Variants in DTNB observed in about 807,000 individuals in gnomAD.
DTNB encodes dystrobrevin beta.
A neutral mutation model predicts 90.7 loss-of-function variants in DTNB; 63 were observed. The ratio of observed to expected loss-of-function variants is 0.69; its 90% CI spans 0.57 to 0.86. DTNB has a LOEUF of 0.86. Ranked by LOEUF, DTNB falls within the 40% of genes least tolerant of loss-of-function variation. The pLI, the probability that DTNB is intolerant of heterozygous loss-of-function variation, is 0.00. For synonymous variants in DTNB, 277 were observed against 286.7 expected (o/e 0.97, Z 0.34); for missense variants, 744 against 807.1 (o/e 0.92, Z 0.95).
intron 9 of DTNB, among the ~76,000 whole-genome samples, chr2:25,491,374 C>T (rs1355870517): frequency 6.6e-6 from 1 of 152,170 alleles, no homozygotes; most frequent in East Asian, 1.9e-4. Context: ...ATGATCTCCT[C>T]TACTACACTG....
chr2:25,588,985 AC>A (rs2062982450), intron 6 of DTNB, among the ~76,000 whole-genome samples: 1 of 152,210 alleles, frequency 6.6e-6, no homozygotes, highest in South Asian at 2.1e-4. Flanking sequence ...ATATAGATAC[AC>A]CTGCCAGGCA....
chr2:25,479,104 T>C lies in DTNB; in HGVS notation c.1079+3692A>G, dbSNP rs1022307630. On this transcript the variant is annotated intron_variant, in intron 10 of 20. Transcript: ENST00000406818. ...AACTAAAGGAGACATAATATTAATA[T>C]ACCAACTGAACGCACAAAGCACAAA... is the stretch of plus-strand genomic sequence containing the variant. Among the ~76,000 whole-genome samples, 9 of 152,342 alleles carry C rather than the reference T, an allele frequency of 5.9e-5. No individual in the cohort carries two copies. In the South Asian group the frequency reaches 1.7e-3, roughly 28 times the overall value.
intron 10 of DTNB, 22 bp from the exon 11 acceptor site, chr2:25,455,516 A>T: frequency 6.3e-7 from 1 of 1,590,164 alleles, no homozygotes; most frequent in Non-Finnish European, 8.6e-7. Context: ...GGAGGCAAAG[A>T]CAGCAAGCGT....
intron 5 of DTNB, among the ~76,000 whole-genome samples, chr2:25,602,443 G>A (rs1311422551): frequency 6.6e-6 from 1 of 152,198 alleles, no homozygotes; most frequent in Admixed American, 6.5e-5. Flanking sequence ...GAGGAGAAGG[G>A]ATGGTTAACA....
At chr2:25,377,764 TC>T (rs1339053801) in intron 20 of DTNB, among the ~76,000 whole-genome samples, 1 of 152,152 alleles carries the variant, frequency 6.6e-6, no homozygotes, top group African/African-American at 2.4e-5. Flanking sequence ...AGAATTGGGT[TC>T]ACAATGCAAG....
chr2:25,644,746 G>A (rs992391798), intron 2 of DTNB, among the ~76,000 whole-genome samples: 2 of 151,708 alleles, frequency 1.3e-5, no homozygotes, highest in East Asian at 1.9e-4. Flanking sequence ...GTGACAAAGC[G>A]AGATTCTGCA....
At chr2:25,637,934 C>T (rs984910006) in intron 3 of DTNB, among the ~76,000 whole-genome samples, 1 of 152,172 alleles carries the variant, frequency 6.6e-6, no homozygotes, top group African/African-American at 2.4e-5. Context: ...GCACTATTCA[C>T]AACAGCAAAG....
chr2:25,578,490 G>A (rs1018514444), intron 7 of DTNB, among the ~76,000 whole-genome samples: 3 of 152,148 alleles, frequency 2.0e-5, no homozygotes, highest in African/African-American at 7.2e-5. Context: ...ATATATGTAT[G>A]TTAGTATTAA....
At chr2:25,537,222 G>A (rs896579525) in intron 8 of DTNB, among the ~76,000 whole-genome samples, 17 of 151,790 alleles carry the variant, frequency 1.1e-4, no homozygotes, top group Non-Finnish European at 2.2e-4. Context: ...ATTACAAGTA[G>A]ATGCAATCAG....
rs573725256 is a variant in DTNB at position 25,457,860 on chromosome 2, A to C, written c.1080-2366T>G. Among the ~76,000 whole-genome samples the C allele has an allele frequency of 2.6e-5, 4 of 152,208 alleles. 1 individual carries two copies. In the East Asian group the frequency reaches 7.7e-4, roughly 29 times the overall value. ...TTATTATTATTATTTTTTGAGACAG[A>C]GTATTACTCTGTCACCAGGCTAGAG... On this transcript the variant is annotated intron_variant, in intron 10 of 20. Transcript: ENST00000406818.
chr2:25,407,278 T>G (rs1450061146), intron 16 of DTNB, among the ~76,000 whole-genome samples: 2 of 152,136 alleles, frequency 1.3e-5, no homozygotes, highest in Non-Finnish European at 2.9e-5. Context: ...ACAATATACT[T>G]TGGCATGGAT....
intron 7 of DTNB, among the ~76,000 whole-genome samples, chr2:25,577,868 C>T (rs370356778): frequency 1.1e-3 from 173 of 152,178 alleles, no homozygotes; most frequent in African/African-American, 3.9e-3. Flanking sequence ...AGCGTGGTGG[C>T]GCATGCCTGT....
intron 9 of DTNB, among the ~76,000 whole-genome samples, chr2:25,494,822 C>A (rs2150501039): frequency 6.6e-6 from 1 of 152,098 alleles, no homozygotes; most frequent in East Asian, 1.9e-4. Context: ...TTCAGCAGGC[C>A]CCATGCTATG....
At chr2:25,555,220 G>A (rs368403093) in intron 8 of DTNB, among the ~76,000 whole-genome samples, 9 of 150,926 alleles carry the variant, frequency 6.0e-5, no homozygotes, top group South Asian at 4.2e-4. Flanking sequence ...GAACCCAGGA[G>A]GCGGAGCTTG....
intron 11 of DTNB, 86 bp from the exon 12 acceptor site, chr2:25,451,721 G>A: frequency 7.8e-7 from 1 of 1,284,768 alleles, no homozygotes; most frequent in Non-Finnish European, 1.0e-6. Flanking sequence ...TGGAAGAAAA[G>A]CTCATAAAAG....
intron 10 of DTNB, among the ~76,000 whole-genome samples, chr2:25,469,378 G>C (rs1453561837): frequency 2.0e-5 from 3 of 152,118 alleles, no homozygotes; most frequent in Non-Finnish European, 4.4e-5. Context: ...GGAGAGCATT[G>C]GAAAATGAGG....
chr2:25,514,001 GAAAA>G (rs35960444), intron 9 of DTNB, among the ~76,000 whole-genome samples: 1 of 126,986 alleles, frequency 7.9e-6, no homozygotes. Flanking sequence ...GTTTGGTGGG[GAAAA>G]AAAAAAAAAA....
chr2:25,495,108 C>G (rs2068513990), intron 9 of DTNB, among the ~76,000 whole-genome samples: 1 of 152,056 alleles, frequency 6.6e-6, no homozygotes, highest in Non-Finnish European at 1.5e-5. Flanking sequence ...TTCTGTCACC[C>G]AGGCTGGAGT....
chr2:25,474,308 C>A (rs1479300623), intron 10 of DTNB, among the ~76,000 whole-genome samples: 1 of 143,816 alleles, frequency 7.0e-6, no homozygotes. Context: ...AAAAAAAAAA[C>A]GCTGGAGAAA....
Sources: gnomAD v4.1 joint callset for allele counts (sites outside exome capture counted in the v4.1 genomes callset) on GRCh38, gnomAD v4.1.1 for gene constraint, MANE v1.5 for transcripts, NCBI Gene and HGNC (gene_info 2026-07-23, HGNC 2026-07-21) for gene names.